RRM2B: variants seen among roughly 807,000 people sequenced by gnomAD.
The protein encoded by RRM2B is ribonucleotide reductase regulatory TP53 inducible subunit M2B, also known as ribonucleoside-diphosphate reductase subunit M2 B.
In RRM2B, 20 loss-of-function variants were observed where a neutral mutation model predicts 45.9. The ratio of observed to expected loss-of-function variants is 0.44; its 90% confidence interval spans 0.31 to 0.63. The LOEUF is 0.63. Ranked by LOEUF, RRM2B falls within the 30% of genes least tolerant of loss-of-function variation. The pLI is 0.09. For synonymous variants in RRM2B, 124 were observed against 132.3 expected, an observed-to-expected ratio of 0.94 and a Z score of 0.43; for missense variants, 320 against 414.7, an observed-to-expected ratio of 0.77 and a Z score of 1.98.
chr8:102,213,593 C>T (rs769539704), intron 7 of RRM2B, among the ~76,000 whole-genome samples: 2 of 152,034 alleles, frequency 1.3e-5, no homozygotes, highest in Non-Finnish European at 2.9e-5. Flanking sequence ...GTAAGAAATC[C>T]GTACATACCC....
chr8:102,214,250 G>C (rs993140858), intron 6 of RRM2B, 92 bp from the exon 7 acceptor site: 1 of 861,568 alleles, frequency 1.2e-6, no homozygotes, highest in African/African-American at 1.7e-5. Flanking sequence ...GTGGTTCTAG[G>C]AATATAACAC....
chr8:102,219,074 A>G, intron 5 of RRM2B, 127 bp from the exon 6 acceptor site: 4 of 990,982 alleles, frequency 4.0e-6, no homozygotes, highest in Non-Finnish European at 6.1e-6. Context: ...AGTTAGTGCC[A>G]TGGCCAAAGA....
intron 1 of RRM2B, among the ~76,000 whole-genome samples, chr8:102,233,297 C>T (rs556682264): frequency 2.0e-5 from 3 of 152,288 alleles, no homozygotes; most frequent in Admixed American, 6.5e-5. Context: ...TACAAGCATA[C>T]GGCTATGCAA....
At chr8:102,217,865 G>A (rs1384480255) in intron 6 of RRM2B, among the ~76,000 whole-genome samples, 2 of 151,916 alleles carry the variant, frequency 1.3e-5, no homozygotes. Flanking sequence ...GATGGAAAGG[G>A]TAGAAAGGGT....
At chr8:102,223,555 C>T (rs963152527) in intron 5 of RRM2B, among the ~76,000 whole-genome samples, 1 of 151,960 alleles carries the variant, frequency 6.6e-6, no homozygotes, top group Non-Finnish European at 1.5e-5. Context: ...ATAAGCTGAG[C>T]GTGGTGGTAG....
intron 6 of RRM2B, among the ~76,000 whole-genome samples, chr8:102,216,866 G>T (rs1345714458): frequency 6.6e-6 from 1 of 152,174 alleles, no homozygotes; most frequent in Non-Finnish European, 1.5e-5. Flanking sequence ...ATTCTGGTGA[G>T]AGTATGGTAG....
At position 102,225,939 on chromosome 8, in the gene RRM2B, A is replaced by G; in HGVS notation, c.300T>C (p.Asp100=). The change falls in exon 3 of 9, where the codon GAT becomes GAC. Residue 100 remains aspartate, a synonymous_variant. Transcript: ENST00000251810. ...TTACCAAATTTTCATTTACAATTCC[A>G]TCACTGGCTGCAAAAAAGGCTAAGA... is the stretch of plus-strand genomic sequence containing the variant. ...SHILAFFAAS[D]GIVNENLVER... is the part of the protein sequence containing the mutation. The G allele has an allele frequency of 6.2e-7, 1 of 1,607,324 alleles. No homozygotes were observed. The highest frequency in any genetic ancestry group is 8.5e-7 in the Non-Finnish European group (1 of 1,174,010).
intron 8 of RRM2B, among the ~76,000 whole-genome samples, chr8:102,210,367 A>G (rs1217336907): frequency 3.9e-5 from 6 of 152,216 alleles, no homozygotes; most frequent in Non-Finnish European, 8.8e-5. Context: ...TAGATGTTAG[A>G]ACTGAAGACT....
intron 5 of RRM2B, among the ~76,000 whole-genome samples, chr8:102,222,484 G>A (rs926221552): frequency 2.0e-5 from 3 of 152,124 alleles, no homozygotes; most frequent in African/African-American, 7.2e-5. Flanking sequence ...TGGTTCTTCA[G>A]TGTGGTCCAA....
At chr8:102,221,379 G>C (rs1016421844) in intron 5 of RRM2B, among the ~76,000 whole-genome samples, 8 of 152,218 alleles carry the variant, frequency 5.3e-5, no homozygotes, top group Non-Finnish European at 1.2e-4. Flanking sequence ...TAAGCCAGGT[G>C]AAAGAGCTGC....
chr8:102,213,228 A>G (rs1476270957), intron 7 of RRM2B, among the ~76,000 whole-genome samples: 1 of 152,152 alleles, frequency 6.6e-6, no homozygotes, highest in African/African-American at 2.4e-5. Flanking sequence ...AAAAAGATTC[A>G]AAGATGATCA....
rs745876246 is a variant in RRM2B, at chr8:102,232,167, G to A, written c.186C>T (p.Ser62=). 2 of 1,614,138 alleles carry A rather than the reference G, an allele frequency of 1.2e-6. No homozygotes were observed. Reference sequence around the variant, plus strand: ...CACGTACCTCTTCTGCTGTCCAGAAGGAAGCCTGTGCCTGTTTATACATTT... The same window carrying A: ...CACGTACCTCTTCTGCTGTCCAGAAAGAAGCCTGTGCCTGTTTATACATTT... ...IWKMYKQAQA[S]FWTAEEVDLS... is the part of the protein sequence containing the mutation. Residue 62 remains serine (S), a synonymous_variant, in exon 2 of 9, where the codon TCC becomes TCT. Coordinates refer to ENST00000251810, the MANE Select transcript of RRM2B (RefSeq NM_015713.5).
intron 2 of RRM2B, among the ~76,000 whole-genome samples, chr8:102,229,274 CAAAAAA>C (rs899199808): frequency 6.7e-6 from 1 of 149,242 alleles, no homozygotes; most frequent in African/African-American, 2.5e-5. Context: ...ACAACAACAA[CAAAAAA>C]AAAAAAACCC....
intron 8 of RRM2B, among the ~76,000 whole-genome samples, chr8:102,209,367 A>T (rs1012028108): frequency 7.9e-5 from 12 of 152,180 alleles, no homozygotes; most frequent in African/African-American, 2.7e-4. Flanking sequence ...TTTAAAGAAG[A>T]TATACAAAAT....
At chr8:102,214,371 A>C in intron 6 of RRM2B, 1 of 565,992 alleles carries the variant, frequency 1.8e-6, no homozygotes, top group Non-Finnish European at 3.2e-6. Context: ...ATGCCAGCAA[A>C]TCTTAGTTCA....
In RRM2B at chr8:102,238,924, G is replaced by A. The variant is rs1811182642; in HGVS notation, c.-50C>T. 1 of 1,593,132 alleles carries A rather than the reference G, an allele frequency of 6.3e-7. No homozygotes were observed. The highest frequency in any genetic ancestry group is 8.5e-7 in the Non-Finnish European group (1 of 1,171,462). On this transcript the variant is annotated 5_prime_UTR_variant, in exon 1 of 9. Coordinates refer to ENST00000251810, the MANE Select transcript of RRM2B (RefSeq NM_015713.5). ...GGCGCTGAGGGAACTGAGCTCCTCAGGCCACCTCCAACTACGACAGCACCC... is the reference window on the plus strand; with the variant it reads ...GGCGCTGAGGGAACTGAGCTCCTCAAGCCACCTCCAACTACGACAGCACCC...
In RRM2B at chr8:102,204,707, A is replaced by G. The variant is rs552609205; in HGVS notation, c.*3426T>C. On this transcript the variant is annotated 3_prime_UTR_variant, in exon 9 of 9. Transcript: ENST00000251810. ...TGATTGACCATAATGTATTTCAGCA[A>G]AAAAAATTTAGATACACCACACATA... 1 of 152,292 alleles carries G rather than the reference A, an allele frequency of 6.6e-6. No homozygotes were observed. Among genetic ancestry groups the G allele is most frequent in the African/African-American group, 2.4e-5 (1 of 41,572 alleles). 9.4% of individuals were successfully genotyped at this position (152,292 alleles called of 1,614,324 possible). A position where few individuals can be genotyped will look rare whatever the true frequency, so the allele number is the denominator to read the frequency against.
intron 2 of RRM2B, among the ~76,000 whole-genome samples, chr8:102,231,943 G>A (rs1480475502): frequency 1.3e-5 from 2 of 151,774 alleles, no homozygotes; most frequent in Non-Finnish European, 2.9e-5. Context: ...AGAATTAGAT[G>A]CCATTGTTGC....
At chr8:102,215,582 A>C (rs1436820902) in intron 6 of RRM2B, among the ~76,000 whole-genome samples, 1 of 152,138 alleles carries the variant, frequency 6.6e-6, no homozygotes, top group Non-Finnish European at 1.5e-5. Context: ...AAGAAAGAAA[A>C]GTACACTTCA....
Sources: gnomAD v4.1 joint callset for allele counts (sites outside exome capture counted in the v4.1 genomes callset) on GRCh38, gnomAD v4.1.1 for gene constraint, MANE v1.5 for transcripts, NCBI Gene and HGNC (gene_info 2026-07-23, HGNC 2026-07-21) for gene names.